RPS6KA2: variants seen among roughly 807,000 people sequenced by gnomAD.
RPS6KA2 encodes the protein ribosomal protein S6 kinase A2, also known as ribosomal protein S6 kinase alpha-2.
A neutral mutation model predicts 91.8 loss-of-function variants in RPS6KA2; 42 were observed. That is an observed-to-expected ratio of 0.46 (90% CI 0.36 to 0.59). The LOEUF is 0.59. RPS6KA2 is among the 20% of genes least tolerant of loss of function. The probability of loss-of-function intolerance (pLI) is 0.00; values close to 1 mark genes in which losing one functional copy is unlikely to be tolerated. For synonymous variants in RPS6KA2, 414 were observed against 393.6 expected, an observed-to-expected ratio of 1.05 and a Z score of -0.61; for missense variants, 798 against 978.5, an observed-to-expected ratio of 0.82 and a Z score of 2.46.
chr6:166,419,474 T>C lies in RPS6KA2; in HGVS notation c.1820+408A>G, dbSNP rs931167473. Among the ~76,000 whole-genome samples, 7 of 152,184 alleles carry C rather than the reference T, an allele frequency of 4.6e-5. No individual in the cohort carries two copies. On this transcript the variant is annotated intron_variant, in intron 18 of 20. Coordinates refer to ENST00000265678, the MANE Select transcript of RPS6KA2 (RefSeq NM_021135.6). The surrounding 1 kb of genome is among the most constrained non-coding windows in gnomAD (Gnocchi z 5.6). ...TTACCACAATGAACCGGCCCGTGCA[T>C]GACTCATGACCACGAAACCCAGGTA...
intron 2 of RPS6KA2, among the ~76,000 whole-genome samples, chr6:166,696,061 C>T (rs1040631588): frequency 1.2e-4 from 18 of 152,210 alleles, no homozygotes; most frequent in African/African-American, 2.9e-4. Flanking sequence ...CCCTCTTCCA[C>T]GGAAACATTG....
intron 2 of RPS6KA2, among the ~76,000 whole-genome samples, chr6:166,708,774 C>T (rs529136445): frequency 1.3e-5 from 2 of 152,336 alleles, no homozygotes; most frequent in East Asian, 1.9e-4. Flanking sequence ...ACTTCCTTCT[C>T]ATACAATTGA....
chr6:166,491,006 C>T (rs556975839), intron 8 of RPS6KA2, among the ~76,000 whole-genome samples: 3 of 152,252 alleles, frequency 2.0e-5, no homozygotes, highest in African/African-American at 2.4e-5. Flanking sequence ...GCCCCGAGTA[C>T]GACAGAGAAA....
At chr6:166,860,119 A>G (rs751811539) in intron 1 of RPS6KA2, among the ~76,000 whole-genome samples, 16 of 99,434 alleles carry the variant, frequency 1.6e-4, no homozygotes, top group South Asian at 3.9e-4. Context: ...AACACAGAGG[A>G]TTTTGTGGAT....
chr6:166,464,311 TCTC>T (rs1283495013), intron 11 of RPS6KA2, among the ~76,000 whole-genome samples: 1 of 152,160 alleles, frequency 6.6e-6, no homozygotes, highest in Admixed American at 6.5e-5. Context: ...TGTGCCTCAG[TCTC>T]CTCTACAAGT....
intron 2 of RPS6KA2, among the ~76,000 whole-genome samples, chr6:166,771,835 G>A (rs1037554314): frequency 2.6e-5 from 4 of 152,190 alleles, no homozygotes; most frequent in African/African-American, 4.8e-5. Context: ...CGGTTGTCAC[G>A]AGTGAGCACA....
At chr6:166,583,250 A>G (rs1785074175) in intron 1 of RPS6KA2, among the ~76,000 whole-genome samples, 1 of 152,180 alleles carries the variant, frequency 6.6e-6, no homozygotes. Flanking sequence ...TGCCTCATCC[A>G]AGGCCCTGAT....
chr6:166,753,132 T>C (rs1184813392), intron 2 of RPS6KA2, among the ~76,000 whole-genome samples: 1 of 152,226 alleles, frequency 6.6e-6, no homozygotes, highest in Non-Finnish European at 1.5e-5. Flanking sequence ...GGGCTGGCTG[T>C]CCTGCCAGAC....
intron 2 of RPS6KA2, among the ~76,000 whole-genome samples, chr6:166,750,643 C>A (rs984628547): frequency 2.0e-5 from 3 of 152,234 alleles, no homozygotes; most frequent in African/African-American, 7.2e-5. Flanking sequence ...CGAGCCCGAG[C>A]TCCTTGAGCA....
chr6:166,413,655 T>A, intron 20 of RPS6KA2, 139 bp downstream of exon 20: 1 of 787,146 alleles, frequency 1.3e-6, no homozygotes, highest in Non-Finnish European at 2.0e-6. Flanking sequence ...CGAAGGTAGG[T>A]GGGCCGGCGG....
At chr6:166,857,315 C>T (rs891170150) in intron 2 of RPS6KA2, among the ~76,000 whole-genome samples, 4 of 152,216 alleles carry the variant, frequency 2.6e-5, no homozygotes, top group Admixed American at 1.3e-4. Flanking sequence ...CTGAGCGACT[C>T]AGTCTTCTTA....
chr6:166,846,366 C>T (rs1369594312), intron 2 of RPS6KA2, among the ~76,000 whole-genome samples: 1 of 150,222 alleles, frequency 6.7e-6, no homozygotes, highest in Non-Finnish European at 1.5e-5. Context: ...TCTATGAAGC[C>T]ATTATCACCC....
At chr6:166,695,798 G>A (rs9457195) in intron 2 of RPS6KA2, among the ~76,000 whole-genome samples, 76 of 137,312 alleles carry the variant, frequency 5.5e-4, no homozygotes, top group African/African-American at 2.5e-3. Context: ...CAGGAGCACT[G>A]GATTCTCATA....
At chr6:166,844,347 T>G (rs888386162) in intron 2 of RPS6KA2, among the ~76,000 whole-genome samples, 3 of 152,110 alleles carry the variant, frequency 2.0e-5, no homozygotes, top group African/African-American at 7.2e-5. Flanking sequence ...GGAAAACATT[T>G]GAGGGAAAAA....
At chr6:166,632,608 T>C (rs1350699867) in intron 2 of RPS6KA2, among the ~76,000 whole-genome samples, 2 of 126,402 alleles carry the variant, frequency 1.6e-5, no homozygotes, top group Admixed American at 8.1e-5. Flanking sequence ...CGAAACTCCA[T>C]CTCAAAAAAA....
At chr6:166,551,713 G>A (rs1784027934) in intron 1 of RPS6KA2, among the ~76,000 whole-genome samples, 1 of 152,118 alleles carries the variant, frequency 6.6e-6, no homozygotes, top group South Asian at 2.1e-4. Context: ...TAGATATGGT[G>A]CAAAGTTTAG....
In RPS6KA2 at chr6:166,603,627, T is replaced by C. The variant is rs1007895899; in HGVS notation, c.99+23294A>G. ...GGACATGACAGAAGATGCTTCCACCTGGGCAACACCTGTCATTGGGAGGGC... is the reference window on the plus strand; with the variant it reads ...GGACATGACAGAAGATGCTTCCACCCGGGCAACACCTGTCATTGGGAGGGC... On this transcript the variant is annotated intron_variant, in intron 1 of 20. Coordinates refer to ENST00000265678, the MANE Select transcript of RPS6KA2 (RefSeq NM_021135.6). The surrounding 1 kb of genome is among the most constrained non-coding windows in gnomAD (Gnocchi z 4.3). Among the ~76,000 whole-genome samples the C allele has an allele frequency of 3.9e-5, 6 of 152,170 alleles. No homozygotes were observed. Among genetic ancestry groups the C allele is most frequent in the African/African-American group, 1.4e-4 (6 of 41,436 alleles).
intron 2 of RPS6KA2, among the ~76,000 whole-genome samples, chr6:166,795,184 C>A (rs1018466212): frequency 6.6e-6 from 1 of 151,982 alleles, no homozygotes; most frequent in Non-Finnish European, 1.5e-5. Flanking sequence ...AAACCTGGAC[C>A]CTCTTTGGTC....
At chr6:166,734,523 G>A in intron 2 of RPS6KA2, among the ~76,000 whole-genome samples, 1 of 152,178 alleles carries the variant, frequency 6.6e-6, no homozygotes, top group Non-Finnish European at 1.5e-5. Flanking sequence ...TGATATTGGT[G>A]AAGTAATTAG....
Sources: gnomAD v4.1 joint callset for allele counts (sites outside exome capture counted in the v4.1 genomes callset) on GRCh38, gnomAD v4.1.1 for gene constraint, Gnocchi (gnomAD v3.1) non-coding constraint, MANE v1.5 for transcripts, NCBI Gene and HGNC (gene_info 2026-07-23, HGNC 2026-07-21) for gene names.